The following TBC1D5 variants were observed in gnomAD, a reference collection of about 807,000 sequenced individuals.
TBC1D5 encodes the protein TBC1 domain family member 5.
Under a neutral mutation model 100.3 loss-of-function variants are expected in TBC1D5, and 75 were observed. The ratio of observed to expected loss-of-function variants is 0.75; its 90% CI spans 0.62 to 0.91. The LOEUF (loss-of-function observed/expected upper bound fraction) is 0.91, where lower values mean the gene tolerates loss of function less well. Ranked by LOEUF, TBC1D5 falls within the 40% of genes least tolerant of loss-of-function variation. TBC1D5 has a pLI of 0.00. For missense variants in TBC1D5, 910 were observed against 942.4 expected (o/e 0.97, Z 0.45); for synonymous variants, 323 against 325.6 (o/e 0.99, Z 0.09).
chr3:17,367,676 T>C (rs1056040213), intron 13 of TBC1D5, among the ~76,000 whole-genome samples: 1 of 152,040 alleles, frequency 6.6e-6, no homozygotes, highest in African/African-American at 2.4e-5. Flanking sequence ...CTATCCAATG[T>C]GGTGAAACCC....
chr3:17,449,732 T>C (rs902323650), intron 3 of TBC1D5, among the ~76,000 whole-genome samples: 2 of 152,078 alleles, frequency 1.3e-5, no homozygotes, highest in African/African-American at 4.8e-5. Flanking sequence ...GGAGCCCCAG[T>C]TAGGGGCTTA....
intron 3 of TBC1D5, among the ~76,000 whole-genome samples, chr3:17,430,402 T>C (rs2094427871): frequency 6.6e-6 from 1 of 151,828 alleles, no homozygotes; most frequent in Non-Finnish European, 1.5e-5. Flanking sequence ...GAATTTGGCT[T>C]TATAAACAAC....
At chr3:17,527,544 T>C (rs1303904983) in intron 2 of TBC1D5, among the ~76,000 whole-genome samples, 1 of 152,192 alleles carries the variant, frequency 6.6e-6, no homozygotes, top group East Asian at 1.9e-4. Flanking sequence ...ATCTTTCAAC[T>C]GATCAAAAGC....
chr3:17,624,727 G>A (rs903550151), intron 1 of TBC1D5, among the ~76,000 whole-genome samples: 2 of 151,702 alleles, frequency 1.3e-5, no homozygotes, highest in Non-Finnish European at 2.9e-5. Flanking sequence ...CTAAGAACAG[G>A]GTATCTGTAC....
At chr3:17,479,682 T>G (rs981384284) in intron 3 of TBC1D5, among the ~76,000 whole-genome samples, 3 of 151,936 alleles carry the variant, frequency 2.0e-5, no homozygotes, top group African/African-American at 7.3e-5. Flanking sequence ...ACAAAAAAAT[T>G]AAAAAATTAG....
At chr3:17,272,932 C>T (rs1001463359) in intron 15 of TBC1D5, among the ~76,000 whole-genome samples, 1 of 152,170 alleles carries the variant, frequency 6.6e-6, no homozygotes, top group African/African-American at 2.4e-5. Flanking sequence ...TAATCAACAG[C>T]ACTATGTTGC....
intron 2 of TBC1D5, among the ~76,000 whole-genome samples, chr3:17,538,360 A>G (rs912476098): frequency 6.6e-6 from 1 of 152,192 alleles, no homozygotes; most frequent in African/African-American, 2.4e-5. Context: ...ACGACCTTCC[A>G]ATGGGAACGC....
intron 1 of TBC1D5, among the ~76,000 whole-genome samples, chr3:17,648,988 G>C (rs1036406585): frequency 2.6e-5 from 4 of 152,204 alleles, no homozygotes; most frequent in Admixed American, 2.0e-4. Context: ...TATATACCCA[G>C]AGGAATATAA....
At chr3:17,409,652 A>G (rs1311728779) in intron 4 of TBC1D5, among the ~76,000 whole-genome samples, 2 of 152,138 alleles carry the variant, frequency 1.3e-5, no homozygotes, top group Admixed American at 6.6e-5. Context: ...ATGATGAGAA[A>G]GCAAAACAGT....
chr3:17,277,116 A>G (rs1005730849), intron 15 of TBC1D5, among the ~76,000 whole-genome samples: 1 of 152,218 alleles, frequency 6.6e-6, no homozygotes, highest in Non-Finnish European at 1.5e-5. Context: ...CCTCACTAAT[A>G]TCCTATTAAC....
chr3:17,713,685 TAGA>T (rs146716643), intron 1 of TBC1D5, among the ~76,000 whole-genome samples: 7,757 of 152,150 alleles, frequency 0.051, 597 homozygotes, highest in African/African-American at 0.17. Context: ...AATTCAATGA[TAGA>T]AGGACAATCG....
intron 14 of TBC1D5, among the ~76,000 whole-genome samples, chr3:17,298,074 T>C (rs1166630243): frequency 2.6e-5 from 4 of 152,236 alleles, no homozygotes; most frequent in African/African-American, 4.8e-5. Context: ...CATTTGACTC[T>C]CTTAATTTTA....
chr3:17,601,218 CT>C (rs2060912639), intron 2 of TBC1D5, among the ~76,000 whole-genome samples: 1 of 152,182 alleles, frequency 6.6e-6, no homozygotes, highest in African/African-American at 2.4e-5. Flanking sequence ...CATCTAAAGA[CT>C]ACCAATATGG....
chr3:17,374,907 A>G (rs757438226), intron 10 of TBC1D5, among the ~76,000 whole-genome samples: 1 of 152,194 alleles, frequency 6.6e-6, no homozygotes, highest in East Asian at 1.9e-4. Context: ...TGAACTATCT[A>G]ATTATTCCAA....
intron 3 of TBC1D5, among the ~76,000 whole-genome samples, chr3:17,435,582 C>G (rs1172772754): frequency 6.6e-6 from 1 of 152,182 alleles, no homozygotes; most frequent in Non-Finnish European, 1.5e-5. Flanking sequence ...ATGGGGGTAA[C>G]TGCCCCCATT....
At position 17,384,020 on chromosome 3, in the gene TBC1D5, A is replaced by G. The variant is rs201486259; in HGVS notation, c.510-5T>C. On this transcript the variant is annotated splice_polypyrimidine_tract_variant and splice_region_variant and intron_variant, in intron 8 of 21. Coordinates refer to ENST00000253692, the Ensembl canonical transcript of TBC1D5. Reference sequence around the variant, plus strand: ...AAAAACTGCATTTCAGGAAACCTGGAAAAAGAAAATACAAGATTGAAACTG... The same window carrying G: ...AAAAACTGCATTTCAGGAAACCTGGGAAAAGAAAATACAAGATTGAAACTG... The G allele has an allele frequency of 1.6e-4, 258 of 1,594,906 alleles. No individual in the cohort carries two copies. In the African/African-American group the frequency reaches 3.2e-3, roughly 20 times the overall value.
At chr3:17,243,530 G>C (rs942966824) in intron 16 of TBC1D5, among the ~76,000 whole-genome samples, 2 of 151,198 alleles carry the variant, frequency 1.3e-5, no homozygotes, top group African/African-American at 4.9e-5. Context: ...AGTAGTAAGA[G>C]CAAAAATGAA....
chr3:17,532,494 C>T (rs2096240375), intron 2 of TBC1D5, among the ~76,000 whole-genome samples: 1 of 152,002 alleles, frequency 6.6e-6, no homozygotes, highest in South Asian at 2.1e-4. Context: ...GGGTGTATAC[C>T]CAAAGGATTA....
chr3:17,633,109 C>T lies in TBC1D5; in HGVS notation c.-100-9196G>A, dbSNP rs537282271. Among the ~76,000 whole-genome samples, 408 of 152,022 alleles carry T rather than the reference C, an allele frequency of 2.7e-3. 1 individual carries two copies. Among genetic ancestry groups the T allele is most frequent in the Non-Finnish European group, 4.5e-3 (307 of 67,984 alleles). On this transcript the variant is annotated intron_variant, in intron 1 of 21. Transcript: ENST00000253692. Reference sequence around the variant, plus strand: ...CAAAATAAGAAAAGGTTTAATACACCCTCCTGAAATATCCATTATCTAAGC... The same window carrying T: ...CAAAATAAGAAAAGGTTTAATACACTCTCCTGAAATATCCATTATCTAAGC...
Sources: gnomAD v4.1 joint callset for allele counts (sites outside exome capture counted in the v4.1 genomes callset) on GRCh38, gnomAD v4.1.1 for gene constraint, MANE v1.5 for transcripts, NCBI Gene and HGNC (gene_info 2026-07-23, HGNC 2026-07-21) for gene names.